DLGAP1: variants seen among roughly 807,000 people sequenced by gnomAD.
DLGAP1 encodes DLG associated protein 1, also known as disks large-associated protein 1.
In DLGAP1, 11 loss-of-function variants were observed where a neutral mutation model predicts 90.8. The observed-to-expected ratio is 0.12, with a 90% confidence interval of 0.08 to 0.20. The LOEUF (loss-of-function observed/expected upper bound fraction) is 0.20. Among genes scored for constraint, DLGAP1 ranks in the 10% least tolerant of loss-of-function variants. The pLI, the probability that DLGAP1 is intolerant of heterozygous loss-of-function variation, is 1.00. For missense variants in DLGAP1, 1,050 were observed against 1,333.8 expected, an observed-to-expected ratio of 0.79 and a Z score of 3.31; for synonymous variants, 558 against 540.7, an observed-to-expected ratio of 1.03 and a Z score of -0.44.
intron 1 of DLGAP1, among the ~76,000 whole-genome samples, chr18:4,154,796 A>G (rs1224118723): frequency 6.6e-6 from 1 of 152,150 alleles, no homozygotes; most frequent in African/African-American, 2.4e-5. Context: ...AAGGGAAAGC[A>G]CTCATTCATT....
chr18:4,131,781 T>A (rs1212230339), intron 2 of DLGAP1, among the ~76,000 whole-genome samples: 1 of 152,172 alleles, frequency 6.6e-6, no homozygotes, highest in African/African-American at 2.4e-5. Context: ...GGCACAAATT[T>A]AAGTGATAGC....
intron 11 of DLGAP1, among the ~76,000 whole-genome samples, chr18:3,505,952 T>C (rs1274325562): frequency 6.6e-6 from 1 of 152,120 alleles, no homozygotes; most frequent in Non-Finnish European, 1.5e-5. Flanking sequence ...CTGCAAATTT[T>C]TGGGCCAGGT....
intron 4 of DLGAP1, among the ~76,000 whole-genome samples, chr18:3,825,375 A>T (rs1273894550): frequency 2.6e-5 from 4 of 152,222 alleles, no homozygotes; most frequent in Non-Finnish European, 5.9e-5. Flanking sequence ...GGATACCAAA[A>T]TCCGTGGATG....
intron 3 of DLGAP1, among the ~76,000 whole-genome samples, chr18:3,901,783 T>G (rs1056276206): frequency 3.9e-5 from 6 of 152,146 alleles, no homozygotes; most frequent in Non-Finnish European, 8.8e-5. Context: ...AGGGAAGCAA[T>G]CCATACATAT....
chr18:3,845,496 T>C (rs2068956135), intron 4 of DLGAP1: 2 of 1,277,228 alleles, frequency 1.6e-6, no homozygotes, highest in Non-Finnish European at 2.0e-6. Context: ...AGCTGAAGAA[T>C]AACACTTAAG....
intron 1 of DLGAP1, among the ~76,000 whole-genome samples, chr18:4,177,461 TTTTTG>T (rs2077129237): frequency 1.3e-5 from 2 of 152,146 alleles, no homozygotes; most frequent in Non-Finnish European, 2.9e-5. Context: ...TCTGGTTCTT[TTTTTG>T]TTTTAACTTT....
At chr18:3,817,948 G>C (rs2067187639) in intron 4 of DLGAP1, among the ~76,000 whole-genome samples, 1 of 152,200 alleles carries the variant, frequency 6.6e-6, no homozygotes. Flanking sequence ...TAGAAGGAAA[G>C]CTGGAGCAGA....
intron 9 of DLGAP1, among the ~76,000 whole-genome samples, chr18:3,535,572 G>T (rs1599109081): frequency 6.6e-6 from 1 of 152,020 alleles, no homozygotes; most frequent in East Asian, 1.9e-4. Flanking sequence ...GTCGGGCGTG[G>T]TGGTGGGCAC....
At chr18:3,516,988 G>A (rs2050882403) in intron 10 of DLGAP1, among the ~76,000 whole-genome samples, 1 of 152,204 alleles carries the variant, frequency 6.6e-6, no homozygotes, top group African/African-American at 2.4e-5. Flanking sequence ...TAGGTGCATT[G>A]TCAGTGAGCA....
intron 1 of DLGAP1, among the ~76,000 whole-genome samples, chr18:4,272,676 G>A (rs1008889267): frequency 6.6e-6 from 1 of 152,120 alleles, no homozygotes; most frequent in Non-Finnish European, 1.5e-5. Context: ...TATATAAAAG[G>A]ATTTCCTATT....
chr18:3,627,754 A>G (rs932338110), intron 7 of DLGAP1, among the ~76,000 whole-genome samples: 18 of 152,020 alleles, frequency 1.2e-4, no homozygotes, highest in African/African-American at 4.1e-4. Flanking sequence ...TCAAATTCCT[A>G]AGCTCAAGTG....
chr18:3,637,981 C>G (rs899247387), intron 7 of DLGAP1, among the ~76,000 whole-genome samples: 2 of 131,568 alleles, frequency 1.5e-5, no homozygotes, highest in African/African-American at 5.8e-5. Context: ...GAGTCTGGCT[C>G]TGTTGCCCAG....
chr18:4,003,750 G>T (rs572456714), intron 3 of DLGAP1, among the ~76,000 whole-genome samples: 2 of 152,278 alleles, frequency 1.3e-5, no homozygotes, highest in African/African-American at 4.8e-5. Context: ...TGCTGGAAAT[G>T]ACCATAAACT....
At chr18:3,541,848 A>G (rs910572001) in intron 9 of DLGAP1, among the ~76,000 whole-genome samples, 1 of 152,158 alleles carries the variant, frequency 6.6e-6, no homozygotes, top group African/African-American at 2.4e-5. Flanking sequence ...GAAGATTTTA[A>G]AAACTCAGAA....
intron 9 of DLGAP1, among the ~76,000 whole-genome samples, chr18:3,539,028 C>T (rs1224855528): frequency 6.6e-6 from 1 of 152,210 alleles, no homozygotes; most frequent in Non-Finnish European, 1.5e-5. Context: ...AAAGCGGCGC[C>T]TTTGAACTCA....
chr18:3,731,571 CTTT>C (rs71368708), intron 6 of DLGAP1, among the ~76,000 whole-genome samples: 2 of 132,258 alleles, frequency 1.5e-5, no homozygotes, highest in Non-Finnish European at 1.6e-5. Context: ...CCACGCCTGG[CTTT>C]TTTTTTTTTT....
At chr18:4,080,016 T>A (rs72871196) in intron 2 of DLGAP1, among the ~76,000 whole-genome samples, 26,001 of 152,080 alleles carry the variant, frequency 0.17, 2,413 homozygotes, top group East Asian at 0.34. Flanking sequence ...TGGATAAGAA[T>A]CACTAGCTTG....
rs543123948 is a variant in DLGAP1, at chr18:4,227,990, T to C, written c.-266-76703A>G. ...AAAATACAGAGAGAGAAGACCCAAATAAATAAAATTAGAAATGGAAAAGGA... is the reference window on the plus strand; with the variant it reads ...AAAATACAGAGAGAGAAGACCCAAACAAATAAAATTAGAAATGGAAAAGGA... On this transcript the variant is annotated intron_variant, in intron 1 of 12. Transcript: ENST00000315677. Among the ~76,000 whole-genome samples, 8 of 151,044 alleles carry C rather than the reference T, an allele frequency of 5.3e-5. No homozygotes were observed. In the East Asian group the frequency reaches 7.8e-4, roughly 15 times the overall value.
chr18:3,935,474 C>A (rs1025126130), intron 3 of DLGAP1, among the ~76,000 whole-genome samples: 6 of 152,094 alleles, frequency 3.9e-5, no homozygotes, highest in South Asian at 2.1e-4. Context: ...CTCAAGTATG[C>A]CTCTAAGGCA....
Sources: allele counts gnomAD v4.1 joint callset (sites outside exome capture counted in the v4.1 genomes callset), GRCh38; gene constraint gnomAD v4.1.1; transcripts MANE v1.5; gene names NCBI Gene and HGNC (gene_info 2026-07-23, HGNC 2026-07-21).